The following CLEC2A variants were observed in gnomAD, a reference collection of about 807,000 sequenced individuals.
CLEC2A encodes C-type lectin domain family 2 member A.
A neutral mutation model predicts 18.6 loss-of-function variants in CLEC2A; 19 were observed. That is an observed-to-expected ratio of 1.02 (90% CI 0.71 to 1.50). The LOEUF (loss-of-function observed/expected upper bound fraction) is 1.50. Among genes scored for constraint, CLEC2A ranks in the 40% most tolerant of loss-of-function variants. The pLI is 0.00. For missense variants in CLEC2A, 190 were observed against 207.9 expected (o/e 0.91, Z 0.53); for synonymous variants, 74 against 64.0 (o/e 1.16, Z -0.75).
chr12:9,889,811 C>T, the CLEC2A span, among the ~76,000 whole-genome samples: 1 of 151,942 alleles, frequency 6.6e-6, no homozygotes, highest in Non-Finnish European at 1.5e-5. Flanking sequence ...ACTAAGCTAA[C>T]AGAGTTAGAG....
At chr12:9,910,562 G>C (rs1862969388), downstream of CLEC2A, among the ~76,000 whole-genome samples, 1 of 152,074 alleles carries the variant, frequency 6.6e-6, no homozygotes, top group Non-Finnish European at 1.5e-5. Flanking sequence ...GATGTTTCTT[G>C]CAATCTTCTC....
chr12:9,925,692 G>A (rs1863258633), intron 2 of CLEC2A, among the ~76,000 whole-genome samples: 1 of 152,014 alleles, frequency 6.6e-6, no homozygotes, highest in Admixed American at 6.5e-5. Context: ...GATCCTCCTA[G>A]TTTTAAAACT....
rs902952353 is a variant in CLEC2A at position 9,926,457 on chromosome 12, A to T, written c.56-114T>A. ...AATCAGGAAACCCTCAATCAAGTAC[A>T]TACATCTCAAAATAACAAAGGATAG... On this transcript the variant is annotated intron_variant, in intron 1 of 4. Transcript: ENST00000455827. The T allele has an allele frequency of 2.0e-4, 131 of 666,482 alleles. 1 individual carries two copies. Among genetic ancestry groups the T allele is most frequent in the Admixed American group, 3.0e-4 (12 of 39,794 alleles). The allele number at this position is 666,482 out of a possible 1,614,324, so 41.3% of individuals were successfully genotyped here.
intron 3 of CLEC2A, among the ~76,000 whole-genome samples, chr12:9,921,325 C>T (rs1418968143): frequency 6.6e-6 from 1 of 152,120 alleles, no homozygotes; most frequent in Non-Finnish European, 1.5e-5. Flanking sequence ...TTTATGGTAT[C>T]TCATGCTAAT....
chr12:9,912,598 T>A (rs1266883572), downstream of CLEC2A, among the ~76,000 whole-genome samples: 2 of 151,432 alleles, frequency 1.3e-5, no homozygotes, highest in Non-Finnish European at 2.9e-5. Flanking sequence ...CCTGCCCATG[T>A]CCATAAAAAT....
chr12:9,920,487 C>T (rs1185876434), intron 3 of CLEC2A, among the ~76,000 whole-genome samples: 1 of 152,190 alleles, frequency 6.6e-6, no homozygotes, highest in Non-Finnish European at 1.5e-5. Flanking sequence ...TCACCACTTC[C>T]CTGGGCGAGG....
intron 4 of CLEC2A, among the ~76,000 whole-genome samples, chr12:9,906,849 G>A (rs533413209): frequency 6.6e-6 from 1 of 152,284 alleles, no homozygotes; most frequent in Admixed American, 6.5e-5. Context: ...AAACATATGT[G>A]TTCTCTTTTT....
In CLEC2A at chr12:9,932,330, G is replaced by A. The variant is rs1414298085; in HGVS notation, c.-1C>T. ...CATCCCGCAGCTCTGGATTAATCATGGCAAGGCGCTAACCGATGGAGATCA... is the reference window on the plus strand; with the variant it reads ...CATCCCGCAGCTCTGGATTAATCATAGCAAGGCGCTAACCGATGGAGATCA... On this transcript the variant is annotated 5_prime_UTR_variant, in exon 1 of 5. Transcript: ENST00000455827. 1.3e-6 allele frequency: 2 copies of A among 1,551,764 alleles called. No individual in the cohort carries two copies. Among genetic ancestry groups the A allele is most frequent in the Admixed American group, 3.9e-5 (2 of 50,976 alleles).
the CLEC2A span, among the ~76,000 whole-genome samples, chr12:9,879,430 A>G: frequency 6.6e-6 from 1 of 152,190 alleles, no homozygotes; most frequent in South Asian, 2.1e-4. Flanking sequence ...TTTATTCCCC[A>G]ACACCTAAAC....
the CLEC2A span, among the ~76,000 whole-genome samples, chr12:9,878,047 G>A: frequency 6.6e-6 from 1 of 152,136 alleles, no homozygotes; most frequent in African/African-American, 2.4e-5. Flanking sequence ...TTGAGCTCAG[G>A]AGTTTGAGGG....
At chr12:9,879,877 G>T in the CLEC2A span, among the ~76,000 whole-genome samples, 5 of 152,222 alleles carry the variant, frequency 3.3e-5, no homozygotes, top group African/African-American at 9.7e-5. Flanking sequence ...GGCCTGAACA[G>T]TTCCAAAGAA....
the CLEC2A span, chr12:9,881,431 T>A: frequency 1.1e-5 from 6 of 556,536 alleles, no homozygotes; most frequent in African/African-American, 1.9e-5. Context: ...CAACACATCC[T>A]GTGTGGTTTT....
chr12:9,916,283 G>GTTAAAGACAACTATAAAGTCTTTAACCCT (rs1863069880), intron 4 of CLEC2A, among the ~76,000 whole-genome samples: 1 of 152,012 alleles, frequency 6.6e-6, no homozygotes, highest in African/African-American at 2.4e-5. Context: ...CATTTGGAAT[G>GTTAAAGACAACTATAAAGTCTTTAACCCT]TTAAAGACAA....
downstream of CLEC2A, among the ~76,000 whole-genome samples, chr12:9,895,393 T>C (rs1028793738): frequency 6.6e-6 from 1 of 152,160 alleles, no homozygotes; most frequent in Non-Finnish European, 1.5e-5. Context: ...AGTGAATGGT[T>C]AGAAGAGATA....
intron 4 of CLEC2A, among the ~76,000 whole-genome samples, chr12:9,901,206 C>T (rs1862824586): frequency 1.3e-5 from 2 of 152,196 alleles, no homozygotes; most frequent in African/African-American, 4.8e-5. Context: ...CTCTTCATGA[C>T]CCCTGTACAG....
At chr12:9,892,579 G>T in the CLEC2A span, among the ~76,000 whole-genome samples, 4 of 117,120 alleles carry the variant, frequency 3.4e-5, no homozygotes, top group Admixed American at 1.9e-4. Flanking sequence ...TTACAGAACT[G>T]CTTTTTTTTT....
the CLEC2A span, among the ~76,000 whole-genome samples, chr12:9,880,864 A>G: frequency 3.9e-5 from 6 of 152,162 alleles, no homozygotes; most frequent in African/African-American, 1.2e-4. Flanking sequence ...AATCCCATCC[A>G]AAAACACCCT....
At position 9,913,253 on chromosome 12, in the gene CLEC2A, C is replaced by T. The variant is rs540953507; in HGVS notation, c.*313G>A. On this transcript the variant is annotated 3_prime_UTR_variant, in exon 5 of 5. Transcript: ENST00000455827. ...TATGTTCTGAGTATTTGGGTCCTCC[C>T]AAAACTCATAAATTGAAAGCTAATC... 6.5e-6 allele frequency: 2 copies of T among 309,858 alleles called. No homozygotes were observed. The highest frequency in any genetic ancestry group is 2.1e-4 in the East Asian group (2 of 9,752). The allele number at this position is 309,858 out of a possible 1,614,324, so 19.2% of individuals were successfully genotyped here. A position where few individuals can be genotyped will look rare whatever the true frequency, so the allele number is the denominator to read the frequency against.
chr12:9,907,685 T>C (rs1862925076), intron 4 of CLEC2A, among the ~76,000 whole-genome samples: 1 of 152,154 alleles, frequency 6.6e-6, no homozygotes, highest in Non-Finnish European at 1.5e-5. Flanking sequence ...AGCAGACATA[T>C]GTGTTTTGGG....
Sources: allele counts gnomAD v4.1 joint callset (sites outside exome capture counted in the v4.1 genomes callset), GRCh38; gene constraint gnomAD v4.1.1; transcripts MANE v1.5; gene names NCBI Gene and HGNC (gene_info 2026-07-23, HGNC 2026-07-21).